The following BCR variants were observed in gnomAD, a reference collection of about 807,000 sequenced individuals.
BCR encodes the protein BCR activator of RhoGEF and GTPase.
A neutral mutation model predicts 138.6 loss-of-function variants in BCR; 58 were observed. The ratio of observed to expected loss-of-function variants is 0.42; its 90% CI spans 0.34 to 0.52. The LOEUF (loss-of-function observed/expected upper bound fraction) is 0.52. Among genes scored for constraint, BCR ranks in the 20% least tolerant of loss-of-function variants. BCR has a pLI of 0.06. For synonymous variants in BCR, 786 were observed against 730.1 expected (o/e 1.08, Z -1.23); for missense variants, 1,599 against 1,727.2 (o/e 0.93, Z 1.32).
rs149934001 is a variant in BCR, at chr22:23,229,768, C to G, written c.1280-24031C>G. Among the ~76,000 whole-genome samples the G allele has an allele frequency of 2.0e-4, 30 of 152,322 alleles. No homozygotes were observed. In the East Asian group the frequency reaches 5.8e-3, roughly 29 times the overall value. On this transcript the variant is annotated intron_variant, in intron 1 of 22. Coordinates refer to ENST00000305877, the MANE Select transcript of BCR (RefSeq NM_004327.4). ...ATACTCTCTACTTCCCCATGTCCCC[C>G]CTTTCAGGTGTTCTGATTAGAAGGC... is the stretch of plus-strand genomic sequence containing the variant.
chr22:23,278,581 G>A (rs1364051237), intron 8 of BCR, among the ~76,000 whole-genome samples: 2 of 152,142 alleles, frequency 1.3e-5, no homozygotes, highest in African/African-American at 2.4e-5. Flanking sequence ...GCAAAAATTA[G>A]CCAGGCATGG....
chr22:23,202,997 A>G (rs2072573898), intron 1 of BCR, among the ~76,000 whole-genome samples: 1 of 152,000 alleles, frequency 6.6e-6, no homozygotes, highest in Admixed American at 6.6e-5. Context: ...AGCTGGGACT[A>G]CAGATGCACA....
At chr22:23,305,238 AC>A (rs2073944845) in intron 16 of BCR, among the ~76,000 whole-genome samples, 1 of 142,002 alleles carries the variant, frequency 7.0e-6, no homozygotes, top group African/African-American at 2.7e-5. Context: ...CTCAGCAAAG[AC>A]CCACCCCCGG....
intron 1 of BCR, among the ~76,000 whole-genome samples, chr22:23,218,316 ACCAGAAACTGTGTTCCCTTCCCTAAC>A: frequency 6.6e-6 from 1 of 152,346 alleles, no homozygotes; most frequent in East Asian, 1.9e-4. Context: ...GCCCAGGGTG[ACCAGAAACTGTGTTCCCTTCCCTAAC>A]CCACCGGGTT....
chr22:23,317,009 G>T lies in BCR; in HGVS notation c.*1487G>T, dbSNP rs2146336037. 1 of 155,578 alleles carries T rather than the reference G, an allele frequency of 6.4e-6. No individual in the cohort carries two copies. The highest frequency in any genetic ancestry group is 3.4e-5 in the African/African-American group (1 of 29,642). The allele number at this position is 155,578 out of a possible 1,614,324, so 9.6% of individuals were successfully genotyped here. A position where few individuals can be genotyped will look rare whatever the true frequency, so the allele number is the denominator to read the frequency against. The stretch of plus-strand genomic sequence containing the variant: ...AGGAGAGGATGCAGCTGCCCAGAGG[G>T]AAGCAGGATCACATTTAAGGAAGTG... On this transcript the variant is annotated 3_prime_UTR_variant, in exon 23 of 23. Coordinates refer to ENST00000305877, the MANE Select transcript of BCR (RefSeq NM_004327.4).
Position 23,317,381 on chromosome 22 carries a change from A to C in BCR, c.*1859A>C, listed in dbSNP as rs1162545917. The C allele has an allele frequency of 5.4e-6, 1 of 184,494 alleles. No individual in the cohort carries two copies. The highest frequency in any genetic ancestry group is 1.1e-5 in the Non-Finnish European group (1 of 95,056). The allele number at this position is 184,494 out of a possible 1,614,324, so 11.4% of individuals were successfully genotyped here. Reference sequence around the variant, plus strand: ...ACAGGAGCCTCTGCTCTCTGTACCTATCTGGGCCCGGTGGGCTCCCTTGTC... The same window carrying C: ...ACAGGAGCCTCTGCTCTCTGTACCTCTCTGGGCCCGGTGGGCTCCCTTGTC... On this transcript the variant is annotated 3_prime_UTR_variant, in exon 23 of 23. Coordinates refer to ENST00000305877, the MANE Select transcript of BCR (RefSeq NM_004327.4).
intron 9 of BCR, among the ~76,000 whole-genome samples, chr22:23,284,825 G>T (rs1259780148): frequency 1.3e-5 from 2 of 152,196 alleles, no homozygotes; most frequent in Non-Finnish European, 2.9e-5. Flanking sequence ...CCTGGGGCCT[G>T]CGGTCACATG....
chr22:23,305,505 T>G (rs1253997884), intron 16 of BCR, among the ~76,000 whole-genome samples: 1 of 152,214 alleles, frequency 6.6e-6, no homozygotes, highest in African/African-American at 2.4e-5. Context: ...AGCAGGGCAG[T>G]GCTGGGCCCC....
In BCR at chr22:23,253,921, A is replaced by C. The variant is rs570703729; in HGVS notation, c.1402A>C (p.Ser468Arg). The change falls in exon 2 of 23, where the codon AGC becomes CGC. Residue 468 changes from serine to arginine, a missense_variant. By Grantham distance (110) the Ser-to-Arg change is moderately radical. Transcript: ENST00000305877. Reference protein sequence around the residue: ...DSPSSSPHLSSKGRGSRDALV... With the variant: ...DSPSSSPHLSRKGRGSRDALV... ...GCCCTCCTCATCGCCCCACCTCAGC[A>C]GCAAGGGCAGGGGCAGCCGGGATGC... 6.2e-7 allele frequency: 1 copy of C among 1,613,000 alleles called. No homozygotes were observed. Among genetic ancestry groups the C allele is most frequent in the Admixed American group, 1.7e-5 (1 of 59,976 alleles).
intron 2 of BCR, among the ~76,000 whole-genome samples, chr22:23,256,418 G>A (rs1464569742): frequency 6.6e-6 from 1 of 152,078 alleles, no homozygotes. Flanking sequence ...ATTCACACAG[G>A]CTGGCCTGTT....
intron 9 of BCR, 64 bp downstream of exon 9, chr22:23,284,162 G>A (rs2073682247): frequency 6.3e-7 from 1 of 1,593,126 alleles, no homozygotes; most frequent in African/African-American, 1.3e-5. Flanking sequence ...GTCATGGAGG[G>A]TCTTGTCATG....
At chr22:23,182,341 G>A in intron 1 of BCR, 102 bp downstream of exon 1, 1 of 1,322,008 alleles carries the variant, frequency 7.6e-7, no homozygotes, top group South Asian at 1.5e-5. Context: ...GGAGTGGATA[G>A]TTTTGAGTGT....
At chr22:23,286,522 A>G (rs966272315) in intron 10 of BCR, among the ~76,000 whole-genome samples, 3 of 152,174 alleles carry the variant, frequency 2.0e-5, no homozygotes, top group Non-Finnish European at 4.4e-5. Context: ...AGTGGGAGCC[A>G]GTGCTCAGGG....
chr22:23,185,954 C>T (rs1300836629), intron 1 of BCR, among the ~76,000 whole-genome samples: 1 of 152,136 alleles, frequency 6.6e-6, no homozygotes, highest in Non-Finnish European at 1.5e-5. Flanking sequence ...TGGCCTCGAT[C>T]TTCTGACCTC....
chr22:23,291,547 G>A (rs193118092), intron 14 of BCR, among the ~76,000 whole-genome samples: 74 of 151,972 alleles, frequency 4.9e-4, no homozygotes, highest in African/African-American at 1.4e-3. Flanking sequence ...ATCTCCTCCC[G>A]GGTCCTGTCT....
intron 1 of BCR, among the ~76,000 whole-genome samples, chr22:23,190,648 G>C (rs896156850): frequency 6.6e-6 from 1 of 152,160 alleles, no homozygotes; most frequent in Non-Finnish European, 1.5e-5. Flanking sequence ...GTAACACTTG[G>C]TGAGTCCGTT....
chr22:23,206,481 G>A (rs559547979), intron 1 of BCR, among the ~76,000 whole-genome samples: 94 of 151,956 alleles, frequency 6.2e-4, no homozygotes, highest in Non-Finnish European at 1.1e-3. Flanking sequence ...GGAGGCTGAG[G>A]CAGGAGAATG....
At position 23,315,766 on chromosome 22, in the gene BCR, G is replaced by A. The variant is rs761571585; in HGVS notation, c.*244G>A. On this transcript the variant is annotated 3_prime_UTR_variant, in exon 23 of 23. Transcript: ENST00000305877. ...ATGTGGCCACCTGAGGGCGCCCCAA[G>A]CCAGTTCATCTCGGAGTCCAGGCCT... 1.7e-4 allele frequency: 100 copies of A among 602,106 alleles called. 1 individual carries two copies. The highest frequency in any genetic ancestry group is 4.0e-4 in the African/African-American group (22 of 55,396). The allele number at this position is 602,106 out of a possible 1,614,324, so 37.3% of individuals were successfully genotyped here.
intron 1 of BCR, among the ~76,000 whole-genome samples, chr22:23,240,201 T>G (rs965599795): frequency 2.6e-5 from 4 of 152,116 alleles, no homozygotes; most frequent in African/African-American, 9.7e-5. Flanking sequence ...CAAATAAGTT[T>G]AGAGGTTAGG....
Sources: allele counts gnomAD v4.1 joint callset (sites outside exome capture counted in the v4.1 genomes callset), GRCh38; gene constraint gnomAD v4.1.1; transcripts MANE v1.5; gene names NCBI Gene and HGNC (gene_info 2026-07-23, HGNC 2026-07-21).